The following FMN1 variants were observed in gnomAD, a reference collection of about 807,000 sequenced individuals.
FMN1 encodes formin 1.
In FMN1, 110 loss-of-function variants were observed where a neutral mutation model predicts 132.4. That is an observed-to-expected ratio of 0.83 (90% confidence interval 0.71 to 0.97). FMN1 has a LOEUF of 0.97. Ranked by LOEUF, FMN1 falls within the 50% of genes least tolerant of loss-of-function variation. The probability of loss-of-function intolerance (pLI) is 0.00; values close to 1 mark genes in which losing one functional copy is unlikely to be tolerated. For missense variants in FMN1, 1,792 were observed against 1,705.3 expected, an observed-to-expected ratio of 1.05 and a Z score of -0.90; for synonymous variants, 722 against 651.7, an observed-to-expected ratio of 1.11 and a Z score of -1.64.
chr15:32,845,503 C>T lies in FMN1; in HGVS notation c.3928+11512G>A, dbSNP rs557955919. ...CAAATATGCTTATTTCTATTTACCC[C>T]TAGGGTCCTGGGACTCAAAAGAAAC... is the stretch of plus-strand genomic sequence containing the variant. On this transcript the variant is annotated intron_variant, in intron 17 of 20. Transcript: ENST00000616417. Among the ~76,000 whole-genome samples, 7 of 152,274 alleles carry T rather than the reference C, an allele frequency of 4.6e-5. No homozygotes were observed. The South Asian group carries it at 1.2e-3, about 27-fold the overall frequency.
chr15:32,847,296 G>A (rs2058880979), intron 17 of FMN1, among the ~76,000 whole-genome samples: 1 of 145,746 alleles, frequency 6.9e-6, no homozygotes, highest in African/African-American at 2.5e-5. Flanking sequence ...GTATGTGTGT[G>A]TGTGTGTGTA....
chr15:32,956,337 A>G (rs1412903545), intron 9 of FMN1, among the ~76,000 whole-genome samples: 1 of 151,570 alleles, frequency 6.6e-6, no homozygotes, highest in East Asian at 1.9e-4. Context: ...ATTGATATTC[A>G]TATTTGACAA....
chr15:32,938,278 C>T (rs1449519759), intron 9 of FMN1, among the ~76,000 whole-genome samples: 1 of 152,074 alleles, frequency 6.6e-6, no homozygotes, highest in Non-Finnish European at 1.5e-5. Context: ...CCTGTAATCC[C>T]AGCAACTTGA....
chr15:33,166,329 T>TC (rs1022524148), intron 3 of FMN1, among the ~76,000 whole-genome samples: 7 of 151,662 alleles, frequency 4.6e-5, no homozygotes, highest in African/African-American at 9.7e-5. Flanking sequence ...TTTTTCTTTT[T>TC]TTTTTTTTAA....
chr15:33,104,986 A>G (rs1176331478), intron 4 of FMN1, among the ~76,000 whole-genome samples: 1 of 152,114 alleles, frequency 6.6e-6, no homozygotes, highest in Non-Finnish European at 1.5e-5. Flanking sequence ...TCCCTCTCCA[A>G]GAGCTCTGAG....
At position 32,767,828 on chromosome 15, in the gene FMN1, T is replaced by C. The variant is rs371085334; in HGVS notation, c.*6482A>G. On this transcript the variant is annotated 3_prime_UTR_variant, in exon 21 of 21. Transcript: ENST00000616417. ...TGTCATTGCGAGCAAACAGAAGAAT[T>C]GATACTAGACTTTCCCTCTCACTCA... 1.6e-4 allele frequency: 25 copies of C among 152,288 alleles called. No homozygotes were observed. The East Asian group carries it at 4.8e-3, about 29-fold the overall frequency. 9.4% of individuals were successfully genotyped at this position (152,288 alleles called of 1,614,324 possible).
chr15:32,956,730 T>C lies in FMN1; in HGVS notation c.3138+7377A>G, dbSNP rs1357079802. Among the ~76,000 whole-genome samples, 3 of 152,102 alleles carry C rather than the reference T, an allele frequency of 2.0e-5. No homozygotes were observed. The East Asian group carries it at 5.8e-4, about 29-fold the overall frequency. On this transcript the variant is annotated intron_variant, in intron 9 of 20. Coordinates refer to ENST00000616417, the MANE Select transcript of FMN1 (RefSeq NM_001277313.2). Reference sequence around the variant, plus strand: ...GTAGACAAACCTATCACCACCCTCATATAAAAAAACTAACGCACATTCCTT... The same window carrying C: ...GTAGACAAACCTATCACCACCCTCACATAAAAAAACTAACGCACATTCCTT...
chr15:33,014,374 A>G (rs942752097), intron 6 of FMN1, among the ~76,000 whole-genome samples: 5 of 152,194 alleles, frequency 3.3e-5, no homozygotes, highest in African/African-American at 1.2e-4. Context: ...ATTTGTTAAA[A>G]AGAGAACTTG....
chr15:32,965,665 T>C (rs916061683), intron 8 of FMN1, among the ~76,000 whole-genome samples: 2 of 152,176 alleles, frequency 1.3e-5, no homozygotes, highest in Admixed American at 6.5e-5. Flanking sequence ...CACTTTGCAA[T>C]AGATCTGCCT....
At chr15:33,148,383 C>T (rs1032092319) in intron 4 of FMN1, among the ~76,000 whole-genome samples, 5 of 152,170 alleles carry the variant, frequency 3.3e-5, no homozygotes, top group African/African-American at 1.2e-4. Context: ...CATAATTCAT[C>T]CCCCTCATCC....
At chr15:32,785,873 C>T (rs1212905014) in intron 19 of FMN1, among the ~76,000 whole-genome samples, 2 of 152,076 alleles carry the variant, frequency 1.3e-5, no homozygotes, top group Non-Finnish European at 2.9e-5. Context: ...AAAAGAGACA[C>T]ATTGAGGGAA....
At chr15:33,090,512 C>A (rs141693069) in intron 4 of FMN1, among the ~76,000 whole-genome samples, 3,023 of 152,200 alleles carry the variant, frequency 0.02, 59 homozygotes, top group South Asian at 0.091. Context: ...GTCCACAAAA[C>A]ACCTTTCTGC....
chr15:32,955,525 G>A (rs1232486380), intron 9 of FMN1, among the ~76,000 whole-genome samples: 3 of 152,114 alleles, frequency 2.0e-5, no homozygotes, highest in Non-Finnish European at 4.4e-5. Context: ...CAGGCGCTCA[G>A]CCTCATCCTG....
rs200752499 is a variant in FMN1, at chr15:33,006,828, T to TA, written c.2223+1185dup. 7.7e-3 allele frequency among the ~76,000 whole-genome samples: 1,175 copies of TA among 152,042 alleles called. 13 individuals are homozygous for TA. Among genetic ancestry groups the TA allele is most frequent in the African/African-American group, 0.027 (1,122 of 41,452 alleles). ...CATGACCTCATTTATGTGAGAAATCTAAAAAAGTCGAACTCGCAGGAACAG... is the reference window on the plus strand; with the variant it reads ...CATGACCTCATTTATGTGAGAAATCTAAAAAAAGTCGAACTCGCAGGAACAG... On this transcript the variant is annotated intron_variant, in intron 7 of 20. Coordinates refer to ENST00000616417, the MANE Select transcript of FMN1 (RefSeq NM_001277313.2).
chr15:33,065,854 G>A (rs2141250373), intron 5 of FMN1, among the ~76,000 whole-genome samples: 1 of 152,288 alleles, frequency 6.6e-6, no homozygotes, highest in East Asian at 1.9e-4. Flanking sequence ...AGTAATAACA[G>A]CATCTATTAA....
chr15:33,154,400 A>G lies in FMN1; in HGVS notation c.515T>C (p.Leu172Pro). ...SSGRRESFGA[L>P]PQKRTKRKGR... The stretch of plus-strand genomic sequence containing the variant: ...TTTTCTTTTGGTCCTCTTCTGTGGA[A>G]GGGCCCCAAAGCTCTCTCTCCTTCC... Residue 172 changes from leucine (L) to proline (P), a missense_variant, in exon 4 of 21, where the codon CTT becomes CCT. Coordinates refer to ENST00000616417, the MANE Select transcript of FMN1 (RefSeq NM_001277313.2). The G allele has an allele frequency of 6.5e-7, 1 of 1,536,006 alleles. No individual in the cohort carries two copies. The highest frequency in any genetic ancestry group is 1.2e-5 in the South Asian group (1 of 84,054).
chr15:33,047,647 T>C (rs1160883589), intron 6 of FMN1, among the ~76,000 whole-genome samples: 1 of 152,192 alleles, frequency 6.6e-6, no homozygotes, highest in East Asian at 1.9e-4. Flanking sequence ...TGTTAGCTGA[T>C]GATTTTGAGT....
At chr15:33,025,348 G>T (rs1162712351) in intron 6 of FMN1, among the ~76,000 whole-genome samples, 2 of 152,002 alleles carry the variant, frequency 1.3e-5, no homozygotes, top group African/African-American at 4.8e-5. Flanking sequence ...ATATACCCCA[G>T]AACCAACAAA....
chr15:32,784,169 T>C (rs74011969), intron 19 of FMN1, among the ~76,000 whole-genome samples: 3,177 of 152,278 alleles, frequency 0.021, 55 homozygotes, highest in African/African-American at 0.044. Flanking sequence ...CTTTTCACTA[T>C]TGGAAAATCC....
Sources: allele counts gnomAD v4.1 joint callset (sites outside exome capture counted in the v4.1 genomes callset), GRCh38; gene constraint gnomAD v4.1.1; transcripts MANE v1.5; gene names NCBI Gene and HGNC (gene_info 2026-07-23, HGNC 2026-07-21).